Variants in TLL1 observed in about 807,000 individuals in gnomAD.
TLL1 encodes tolloid-like protein 1.
A neutral mutation model predicts 128.2 loss-of-function variants in TLL1; 49 were observed. The ratio of observed to expected loss-of-function variants is 0.38; its 90% CI spans 0.30 to 0.48. The LOEUF is 0.48. Among genes scored for constraint, TLL1 ranks in the 20% least tolerant of loss-of-function variants. TLL1 has a pLI of 0.96. For missense variants in TLL1, 1,123 were observed against 1,242.0 expected (o/e 0.90, Z 1.44); for synonymous variants, 454 against 418.8 (o/e 1.08, Z -1.03).
Position 166,042,109 on chromosome 4 carries a change from T to C in TLL1, c.1344T>C (p.Asn448=), listed in dbSNP as rs949044227. ...RMWIEFRSSS[N]WVGKGFAAVY... ...GGATTGAGTTTCGTAGCAGCAGTAA[T>C]TGGGTAGGAAAAGGCTTTGCAGCTG... is the stretch of plus-strand genomic sequence containing the variant. Residue 448 remains asparagine (N), a synonymous_variant, in exon 11 of 21, where the codon AAT becomes AAC. Coordinates refer to ENST00000061240, the MANE Select transcript of TLL1 (RefSeq NM_012464.5). The C allele has an allele frequency of 3.7e-6, 6 of 1,611,970 alleles. No individual in the cohort carries two copies. The Admixed American group carries it at 5.0e-5, about 13-fold the overall frequency.
At chr4:166,087,707 T>C (rs1388183782) in intron 18 of TLL1, among the ~76,000 whole-genome samples, 2 of 152,180 alleles carry the variant, frequency 1.3e-5, no homozygotes, top group East Asian at 1.9e-4. Context: ...AGCTATTGCC[T>C]GTATGTTCAA....
intron 5 of TLL1, among the ~76,000 whole-genome samples, chr4:165,999,518 C>G (rs950160273): frequency 2.6e-5 from 4 of 152,124 alleles, no homozygotes; most frequent in African/African-American, 9.7e-5. Context: ...AGACCACCCC[C>G]CTGATCCAAT....
intron 9 of TLL1, among the ~76,000 whole-genome samples, chr4:166,037,603 T>C (rs183833397): frequency 6.6e-6 from 1 of 151,684 alleles, no homozygotes; most frequent in African/African-American, 2.4e-5. Context: ...AGGTCAGGAG[T>C]TCAAAACCAG....
At chr4:165,998,316 C>G (rs1736979579) in intron 5 of TLL1, among the ~76,000 whole-genome samples, 1 of 152,042 alleles carries the variant, frequency 6.6e-6, no homozygotes, top group Non-Finnish European at 1.5e-5. Context: ...ATTTACATGA[C>G]TTCTCTCCTT....
chr4:165,911,401 A>T (rs1332485269), intron 1 of TLL1, among the ~76,000 whole-genome samples: 1 of 152,180 alleles, frequency 6.6e-6, no homozygotes, highest in East Asian at 1.9e-4. Flanking sequence ...ATAGTATTTC[A>T]TCGTGTATAT....
At chr4:166,051,317 T>G in intron 12 of TLL1, among the ~76,000 whole-genome samples, 1 of 144,138 alleles carries the variant, frequency 6.9e-6, no homozygotes, top group Admixed American at 6.9e-5. Context: ...CTTCCTTCCT[T>G]CCTTCCTTCT....
intron 8 of TLL1, among the ~76,000 whole-genome samples, chr4:166,018,425 C>G (rs552758569): frequency 6.6e-6 from 1 of 151,944 alleles, no homozygotes; most frequent in Non-Finnish European, 1.5e-5. Context: ...TCCTCAAAAA[C>G]GATTCAACAA....
intron 1 of TLL1, among the ~76,000 whole-genome samples, chr4:165,941,220 G>T (rs1018175013): frequency 1.3e-5 from 2 of 151,838 alleles, no homozygotes; most frequent in Non-Finnish European, 2.9e-5. Context: ...TTACTTAATG[G>T]GTCCTTGCTG....
Position 165,939,053 on chromosome 4 carries a change from TC to T in TLL1, c.170-50327del, listed in dbSNP as rs1251365857. Among the ~76,000 whole-genome samples, 6 of 152,060 alleles carry T rather than the reference TC, an allele frequency of 3.9e-5. No homozygotes were observed. The East Asian group carries it at 1.2e-3, about 29-fold the overall frequency. ...ATATGTTTCTCAGCTATCTGATGGTTCTTAATGATGTAATGATATTAAGTTT... is the reference window on the plus strand; with the variant it reads ...ATATGTTTCTCAGCTATCTGATGGTTTTAATGATGTAATGATATTAAGTTT... On this transcript the variant is annotated intron_variant, in intron 1 of 20. Coordinates refer to ENST00000061240, the MANE Select transcript of TLL1 (RefSeq NM_012464.5).
intron 12 of TLL1, chr4:166,044,221 A>C: frequency 1.7e-6 from 1 of 602,962 alleles, no homozygotes; most frequent in Non-Finnish European, 2.8e-6. Flanking sequence ...TTGGAGATGG[A>C]GTCTTTACTG....
At chr4:165,954,907 G>A (rs1213650341) in intron 1 of TLL1, among the ~76,000 whole-genome samples, 1 of 152,064 alleles carries the variant, frequency 6.6e-6, no homozygotes, top group Non-Finnish European at 1.5e-5. Context: ...ATGTAAGAGT[G>A]TCTCCTTACC....
At chr4:165,936,564 A>G (rs1376410285) in intron 1 of TLL1, among the ~76,000 whole-genome samples, 1 of 152,106 alleles carries the variant, frequency 6.6e-6, no homozygotes, top group African/African-American at 2.4e-5. Flanking sequence ...TATAGTTATA[A>G]TGCCCAGAGC....
At chr4:165,981,011 G>T (rs1026029639) in intron 1 of TLL1, among the ~76,000 whole-genome samples, 3 of 152,010 alleles carry the variant, frequency 2.0e-5, no homozygotes, top group African/African-American at 4.8e-5. Context: ...TAGTATAAAT[G>T]AGCTCTTTAT....
In TLL1 at chr4:165,967,229, T is replaced by C. The variant is rs58069968; in HGVS notation, c.170-22152T>C. 5.2e-3 allele frequency among the ~76,000 whole-genome samples: 791 copies of C among 152,334 alleles called. 12 individuals carry two copies. The highest frequency in any genetic ancestry group is 0.018 in the African/African-American group (736 of 41,578). ...TCGTTCCCTGAAAATCGCAGCCATC[T>C]TGTTCCTTTGGATGCCCAGATTTCA... is the stretch of plus-strand genomic sequence containing the variant. On this transcript the variant is annotated intron_variant, in intron 1 of 20. Transcript: ENST00000061240.
intron 1 of TLL1, among the ~76,000 whole-genome samples, chr4:165,986,104 T>G (rs1736382813): frequency 6.6e-6 from 1 of 151,956 alleles, no homozygotes; most frequent in Admixed American, 6.6e-5. Context: ...AGACTGTTTA[T>G]CTCCAACTTT....
In TLL1 at chr4:166,039,437, C is replaced by T. The variant is rs1739145087; in HGVS notation, c.1257C>T (p.Leu419=). 5.0e-6 allele frequency: 8 copies of T among 1,608,900 alleles called. No homozygotes were observed. Among genetic ancestry groups the T allele is most frequent in the Non-Finnish European group, 6.8e-6 (8 of 1,175,754 alleles). The change falls in exon 10 of 21, where the codon CTC becomes CTT. Residue 419 remains leucine, a synonymous_variant. Transcript: ENST00000061240. ...VRDGYWRKSP[L]LGRFCGDKLP... is the part of the protein sequence containing the mutation. ...ACGGGTACTGGAGAAAATCACCTCT[C>T]CTTGGTAAGATATCCTTTCCCTTTT...
At chr4:166,028,580 A>G (rs1738614760) in intron 9 of TLL1, among the ~76,000 whole-genome samples, 1 of 152,010 alleles carries the variant, frequency 6.6e-6, no homozygotes. Flanking sequence ...ATTTACAAAT[A>G]TTTGTCACTA....
intron 11 of TLL1, among the ~76,000 whole-genome samples, 175 bp from the exon 12 acceptor site, chr4:166,043,099 G>GTT (rs3215131): frequency 1.4e-4 from 22 of 151,856 alleles, no homozygotes; most frequent in South Asian, 2.1e-4. Context: ...ACTTTACTAG[G>GTT]TTTTTTTTAC....
rs369104044 is a variant in TLL1 at position 165,935,368 on chromosome 4, T to G, written c.170-54013T>G. Among the ~76,000 whole-genome samples the G allele has an allele frequency of 2.0e-4, 31 of 152,376 alleles. No homozygotes were observed. In the East Asian group the frequency reaches 2.9e-3, roughly 14 times the overall value. ...ATGCTGAAAGAGTCAGTATTACCTG[T>G]CTGGCATCTGTCTCTTTTGCTCTAG... On this transcript the variant is annotated intron_variant, in intron 1 of 20. Transcript: ENST00000061240.
Sources: allele counts gnomAD v4.1 joint callset (sites outside exome capture counted in the v4.1 genomes callset), GRCh38; gene constraint gnomAD v4.1.1; transcripts MANE v1.5; gene names NCBI Gene and HGNC (gene_info 2026-07-23, HGNC 2026-07-21).